The following SYNPO variants were observed in gnomAD, a reference collection of about 807,000 sequenced individuals.
SYNPO encodes the protein synaptopodin.
In SYNPO, 19 loss-of-function variants were observed where a neutral mutation model predicts 49.5. That is an observed-to-expected ratio of 0.38 (90% CI 0.27 to 0.56). The LOEUF (loss-of-function observed/expected upper bound fraction) is 0.56, where lower values mean the gene tolerates loss of function less well. SYNPO is among the 20% of genes least tolerant of loss of function. The pLI is 0.68. For missense variants in SYNPO, 1,131 were observed against 1,248.3 expected (o/e 0.91, Z 1.42); for synonymous variants, 536 against 548.0 (o/e 0.98, Z 0.31).
intron 1 of SYNPO, among the ~76,000 whole-genome samples, chr5:150,613,819 G>A (rs903739511): frequency 3.3e-5 from 5 of 152,150 alleles, no homozygotes; most frequent in Non-Finnish European, 7.3e-5. Context: ...TGGAAGAGTC[G>A]AAACAAGGAC....
chr5:150,607,958 C>T (rs2151344504), intron 1 of SYNPO, among the ~76,000 whole-genome samples: 1 of 152,334 alleles, frequency 6.6e-6, no homozygotes, highest in South Asian at 2.1e-4. Context: ...TCTTTATTTA[C>T]AGCACATCTC....
chr5:150,605,129 G>A (rs1756655450), intron 1 of SYNPO, among the ~76,000 whole-genome samples: 1 of 152,174 alleles, frequency 6.6e-6, no homozygotes, highest in Non-Finnish European at 1.5e-5. Context: ...GAAACCCAGA[G>A]GCCTTTGCTC....
chr5:150,643,684 G>A (rs188195217), intron 1 of SYNPO, among the ~76,000 whole-genome samples: 32 of 152,224 alleles, frequency 2.1e-4, no homozygotes, highest in Admixed American at 3.3e-4. Flanking sequence ...ACAGGCGCCC[G>A]CCACCACGCT....
intron 1 of SYNPO, among the ~76,000 whole-genome samples, chr5:150,641,404 T>C (rs2151404497): frequency 6.6e-6 from 1 of 152,296 alleles, no homozygotes; most frequent in South Asian, 2.1e-4. Context: ...CTTGAGCCAA[T>C]CTCTATTCCT....
At chr5:150,610,623 T>C (rs1470559018) in intron 1 of SYNPO, among the ~76,000 whole-genome samples, 1 of 152,158 alleles carries the variant, frequency 6.6e-6, no homozygotes, top group Non-Finnish European at 1.5e-5. Flanking sequence ...ACAAAAACAA[T>C]AATTATAATA....
intron 2 of SYNPO, among the ~76,000 whole-genome samples, chr5:150,623,878 T>A (rs570845833): frequency 6.6e-6 from 1 of 152,296 alleles, no homozygotes; most frequent in Non-Finnish European, 1.5e-5. Flanking sequence ...AGACCAGCAT[T>A]TCTCCAACCG....
intron 2 of SYNPO, among the ~76,000 whole-genome samples, chr5:150,656,053 C>T (rs561009428): frequency 2.0e-5 from 3 of 152,220 alleles, no homozygotes; most frequent in African/African-American, 7.2e-5. Context: ...CTCATTTAAC[C>T]CTCACAACAA....
At chr5:150,631,545 G>C (rs1757537435) in intron 2 of SYNPO, among the ~76,000 whole-genome samples, 1 of 152,246 alleles carries the variant, frequency 6.6e-6, no homozygotes, top group Admixed American at 6.5e-5. Context: ...GGGAGCTGCA[G>C]CGCAGGGGTC....
Position 150,648,157 on chromosome 5 carries a change from C to A in SYNPO, c.-119C>A. On this transcript the variant is annotated 5_prime_UTR_variant, in exon 2 of 3. Transcript: ENST00000307662. The surrounding 1 kb of genome is among the most constrained non-coding windows in gnomAD (Gnocchi z 5.0). ...AGCCAGGAGTCCCTCAGAGTGCTCC[C>A]TTCAAGCCTCCCAGGCCATGCACCG... is the stretch of plus-strand genomic sequence containing the variant. 1 of 1,556,268 alleles carries A rather than the reference C, an allele frequency of 6.4e-7. No individual in the cohort carries two copies. Among genetic ancestry groups the A allele is most frequent in the African/African-American group, 1.4e-5 (1 of 73,390 alleles).
Position 150,648,124 on chromosome 5 carries a change from A to G in SYNPO, c.-152A>G, listed in dbSNP as rs2151421252. The G allele has an allele frequency of 4.5e-6, 7 of 1,552,150 alleles. No homozygotes were observed. Among genetic ancestry groups the G allele is most frequent in the Non-Finnish European group, 6.1e-6 (7 of 1,147,158 alleles). On this transcript the variant is annotated 5_prime_UTR_variant, in exon 2 of 3. Coordinates refer to ENST00000307662, the MANE Select transcript of SYNPO (RefSeq NM_007286.6). The surrounding 1 kb of genome is among the most constrained non-coding windows in gnomAD (Gnocchi z 5.0). ...TTGGAGAGCCACGGCCAGAGGGGAC[A>G]GAAGCCCAGCCAGGAGTCCCTCAGA...
In SYNPO at chr5:150,649,300, T is replaced by C. The variant is rs1314946982; in HGVS notation, c.1025T>C (p.Val342Ala). 16 of 1,614,022 alleles carry C rather than the reference T, an allele frequency of 9.9e-6. No homozygotes were observed. Among genetic ancestry groups the C allele is most frequent in the Non-Finnish European group, 1.3e-5 (15 of 1,180,020 alleles). ...SWVRSPPSYS[V>A]LYPSSDPKSS... Reference sequence around the variant, plus strand: ...GTGAGGTCTCCTCCCTCATATTCTGTCCTGTATCCCAGCTCCGACCCCAAG... The same window carrying C: ...GTGAGGTCTCCTCCCTCATATTCTGCCCTGTATCCCAGCTCCGACCCCAAG... The change falls in exon 2 of 3, where the codon GTC becomes GCC. Residue 342 changes from valine to alanine, a missense_variant. Physicochemically the swap from Val to Ala is moderately conservative, Grantham distance 64. Coordinates refer to ENST00000307662, the MANE Select transcript of SYNPO (RefSeq NM_007286.6).
intron 2 of SYNPO, among the ~76,000 whole-genome samples, chr5:150,625,417 C>T (rs890763928): frequency 6.6e-6 from 1 of 152,170 alleles, no homozygotes; most frequent in African/African-American, 2.4e-5. Flanking sequence ...GCGGGCGGGG[C>T]GACCGGGCTC....
intron 1 of SYNPO, among the ~76,000 whole-genome samples, chr5:150,609,154 T>C (rs1756774293): frequency 1.3e-5 from 2 of 152,186 alleles, no homozygotes; most frequent in South Asian, 2.1e-4. Flanking sequence ...ATTGACAATG[T>C]CCCTGAATGC....
chr5:150,612,741 C>A (rs1756882228), intron 1 of SYNPO, among the ~76,000 whole-genome samples: 1 of 152,166 alleles, frequency 6.6e-6, no homozygotes, highest in Non-Finnish European at 1.5e-5. Flanking sequence ...TATACATCAG[C>A]TATTATCATT....
the SYNPO span, among the ~76,000 whole-genome samples, chr5:150,586,533 G>T: frequency 6.6e-6 from 1 of 151,864 alleles, no homozygotes; most frequent in African/African-American, 2.4e-5. Context: ...TAGGTAGGTG[G>T]ATAAATAGAC....
rs199689202 is a variant in SYNPO at position 150,650,127 on chromosome 5, C to A, written c.1852C>A (p.Arg618Ser). 4.3e-6 allele frequency: 7 copies of A among 1,613,202 alleles called. No individual in the cohort carries two copies. Among genetic ancestry groups the A allele is most frequent in the East Asian group, 4.5e-5 (2 of 44,822 alleles). The change falls in exon 2 of 3, where the codon CGC becomes AGC. Residue 618 changes from arginine to serine, a missense_variant. Coordinates refer to ENST00000307662, the MANE Select transcript of SYNPO (RefSeq NM_007286.6). Reference protein sequence around the residue: ...PPSPALPRPSRSSPGLYTSPG... With the variant: ...PPSPALPRPSSSSPGLYTSPG... ...ATCTCCTGCCCTGCCTCGGCCCTCGCGCTCCTCACCGGGCCTCTACACCTC... is the reference window on the plus strand; with the variant it reads ...ATCTCCTGCCCTGCCTCGGCCCTCGAGCTCCTCACCGGGCCTCTACACCTC...
chr5:150,633,748 C>G (rs543236457), intron 2 of SYNPO, among the ~76,000 whole-genome samples: 1 of 152,200 alleles, frequency 6.6e-6, no homozygotes, highest in African/African-American at 2.4e-5. Flanking sequence ...TGCTCTGTCT[C>G]TATCTCTGAT....
rs551591989 is a variant in SYNPO, at chr5:150,654,851, C to G, written c.2029-1553C>G. Among the ~76,000 whole-genome samples, 404 of 152,318 alleles carry G rather than the reference C, an allele frequency of 2.7e-3. 1 individual carries two copies. The highest frequency in any genetic ancestry group is 8.5e-3 in the African/African-American group (355 of 41,584). ...CCAACTTTAATAATAGTCGGCCAGG[C>G]GCGGTGGCTCACGCCTGTAATCCCA... On this transcript the variant is annotated intron_variant, in intron 2 of 2. Coordinates refer to ENST00000307662, the MANE Select transcript of SYNPO (RefSeq NM_007286.6).
At chr5:150,639,353 G>C (rs566334326), upstream of SYNPO, among the ~76,000 whole-genome samples, 7 of 152,232 alleles carry the variant, frequency 4.6e-5, no homozygotes, top group Non-Finnish European at 1.5e-5. Flanking sequence ...TCAACCTGCC[G>C]TTTCCTCTGA....
Sources: gnomAD v4.1 joint callset for allele counts (sites outside exome capture counted in the v4.1 genomes callset) on GRCh38, gnomAD v4.1.1 for gene constraint, Gnocchi (gnomAD v3.1) non-coding constraint, MANE v1.5 for transcripts, NCBI Gene and HGNC (gene_info 2026-07-23, HGNC 2026-07-21) for gene names.